The following ZFHX4 variants were observed in gnomAD, a reference collection of about 807,000 sequenced individuals.
ZFHX4 encodes the protein zinc finger homeobox 4, also known as zinc finger homeobox protein 4.
ZFHX4 carries 56 observed loss-of-function variants against 267.6 expected under a neutral mutation model. That is an observed-to-expected ratio of 0.21 (90% confidence interval 0.17 to 0.26). The LOEUF (loss-of-function observed/expected upper bound fraction) is 0.26, where lower values mean the gene tolerates loss of function less well. ZFHX4 is among the 10% of genes least tolerant of loss of function. The pLI, the probability that ZFHX4 is intolerant of heterozygous loss-of-function variation, is 1.00. For missense variants in ZFHX4, 4,332 were observed against 4,420.0 expected (o/e 0.98, Z 0.56); for synonymous variants, 1,778 against 1,665.6 (o/e 1.07, Z -1.64).
chr8:76,820,013 A>G (rs1811607688), intron 4 of ZFHX4, among the ~76,000 whole-genome samples: 1 of 152,194 alleles, frequency 6.6e-6, no homozygotes, highest in Non-Finnish European at 1.5e-5. Flanking sequence ...TATTGGCCAT[A>G]TAAAAGATGC....
At chr8:76,760,581 C>G (rs1051063373) in intron 3 of ZFHX4, among the ~76,000 whole-genome samples, 1 of 152,026 alleles carries the variant, frequency 6.6e-6, no homozygotes, top group Non-Finnish European at 1.5e-5. Context: ...TAATCTCCTA[C>G]TCTGAGGAGA....
In ZFHX4 at chr8:76,814,232, T is replaced by C. The variant is rs191610251; in HGVS notation, c.3326-19106T>C. Among the ~76,000 whole-genome samples, 80 of 152,288 alleles carry C rather than the reference T, an allele frequency of 5.3e-4. 1 individual carries two copies. In the East Asian group the frequency reaches 0.015, roughly 29 times the overall value. On this transcript the variant is annotated intron_variant, in intron 4 of 10. Coordinates refer to ENST00000651372, the MANE Select transcript of ZFHX4 (RefSeq NM_024721.5). ...ATTACAGGTGTATACCACCCTGCTC[T>C]GCCAACATTCTCATTAATAATTATT...
chr8:76,731,015 A>G (rs926165970), intron 3 of ZFHX4, among the ~76,000 whole-genome samples: 1 of 152,156 alleles, frequency 6.6e-6, no homozygotes, highest in Non-Finnish European at 1.5e-5. Flanking sequence ...AGGAGCTGGG[A>G]TATGAACCCT....
chr8:76,863,750 C>A lies in ZFHX4; in HGVS notation c.10036C>A (p.Gln3346Lys). Residue 3346 changes from glutamine (Q) to lysine (K), a missense_variant, in exon 11 of 11, where the codon CAG becomes AAG. Physicochemically the swap from Gln to Lys is moderately conservative, Grantham distance 53. This residue lies in a region of ZFHX4 where 1,648 missense variants were observed against 1,625.0 expected (regional missense o/e 1.01). Transcript: ENST00000651372. The stretch of plus-strand genomic sequence containing the variant: ...GCAAGAACAGCAGCAGAAACCAGTT[C>A]AGGCAAAGACATCCAAAGTAGAAAG... The part of the protein sequence containing the change: ...QQQEQQQKPV[Q>K]AKTSKVESDQ... 6.4e-7 allele frequency: 1 copy of A among 1,553,278 alleles called. No individual in the cohort carries two copies. The highest frequency in any genetic ancestry group is 1.2e-5 in the South Asian group (1 of 84,626).
chr8:76,758,476 AAGAGTTT>A (rs1388118892), intron 3 of ZFHX4, among the ~76,000 whole-genome samples: 3 of 151,980 alleles, frequency 2.0e-5, no homozygotes, highest in Non-Finnish European at 2.9e-5. Context: ...GTTATCATAA[AAGAGTTT>A]TTTTGTTTGT....
chr8:76,858,499 C>T (rs1812789096), intron 10 of ZFHX4, among the ~76,000 whole-genome samples: 2 of 152,328 alleles, frequency 1.3e-5, no homozygotes, highest in South Asian at 4.1e-4. Context: ...TTTTCAATTT[C>T]TCTCAACTTA....
intron 4 of ZFHX4, among the ~76,000 whole-genome samples, chr8:76,818,394 T>C (rs1490759423): frequency 6.6e-6 from 1 of 152,158 alleles, no homozygotes; most frequent in Non-Finnish European, 1.5e-5. Flanking sequence ...CAATAAAAAT[T>C]AACTAGATAG....
At chr8:76,804,800 G>GA (rs1285964763) in intron 4 of ZFHX4, among the ~76,000 whole-genome samples, 1 of 152,048 alleles carries the variant, frequency 6.6e-6, no homozygotes. Flanking sequence ...AGGTCATGGC[G>GA]AAATTCCACA....
intron 1 of ZFHX4, among the ~76,000 whole-genome samples, chr8:76,696,029 G>A (rs552633595): frequency 1.3e-5 from 2 of 152,208 alleles, no homozygotes; most frequent in South Asian, 2.1e-4. Flanking sequence ...ATTATGTCCT[G>A]ACAGCTCCAC....
In ZFHX4 at chr8:76,835,241, G is replaced by A. The variant is rs2728454; in HGVS notation, c.3394+1835G>A. 7.6e-3 allele frequency among the ~76,000 whole-genome samples: 321 copies of A among 42,372 alleles called. 3 individuals carry two copies. Among genetic ancestry groups the A allele is most frequent in the African/African-American group, 0.015 (115 of 7,686 alleles). The allele number at this position is 42,372 out of a possible 152,430, so 27.8% of individuals were successfully genotyped here. A position where few individuals can be genotyped will look rare whatever the true frequency, so the allele number is the denominator to read the frequency against. On this transcript the variant is annotated intron_variant, in intron 5 of 10. Transcript: ENST00000651372. ...TATGTATATATATATATATATATAT[G>A]TATATATATATATATATATTCATAC...
intron 1 of ZFHX4, among the ~76,000 whole-genome samples, chr8:76,687,929 C>T (rs1242215134): frequency 6.6e-6 from 1 of 152,142 alleles, no homozygotes; most frequent in East Asian, 1.9e-4. Flanking sequence ...GATGAAAATG[C>T]AGGCTTCTCT....
Position 76,705,824 on chromosome 8 carries a change from G to T in ZFHX4, c.1736G>T (p.Arg579Leu). 4 of 1,613,886 alleles carry T rather than the reference G, an allele frequency of 2.5e-6. No homozygotes were observed. The highest frequency in any genetic ancestry group is 3.4e-6 in the Non-Finnish European group (4 of 1,179,864). The change falls in exon 2 of 11, where the codon CGG becomes CTG. Residue 579 changes from arginine (R) to leucine (L), a missense_variant. By Grantham distance (102) the Arg-to-Leu change is moderately radical (BLOSUM62 -2). This residue lies in a region of ZFHX4 where 1,195 missense variants were observed against 1,173.6 expected (regional missense o/e 1.02). Coordinates refer to ENST00000651372, the MANE Select transcript of ZFHX4 (RefSeq NM_024721.5). ...ATAAHPSEIARGDEDSSATPH... is the reference protein window; with the variant it reads ...ATAAHPSEIALGDEDSSATPH... ...GCTGCTCATCCAAGTGAAATAGCCC[G>T]GGGAGACGAAGACAGTTCAGCCACT...
At chr8:76,756,176 T>G (rs951265980) in intron 3 of ZFHX4, among the ~76,000 whole-genome samples, 2 of 152,192 alleles carry the variant, frequency 1.3e-5, no homozygotes, top group Admixed American at 6.5e-5. Context: ...CGTCATGTCA[T>G]TTTTATCTTT....
At chr8:76,714,367 C>T (rs538818846) in intron 3 of ZFHX4, among the ~76,000 whole-genome samples, 10 of 152,260 alleles carry the variant, frequency 6.6e-5, no homozygotes, top group East Asian at 5.8e-4. Flanking sequence ...GTATAATGAC[C>T]GTGGTTCTGC....
chr8:76,852,871 C>G lies in ZFHX4; in HGVS notation c.5950C>G (p.Gln1984Glu). Reference protein sequence around the residue: ...PYAALEKFARQYREAYDKLYP... With the variant: ...PYAALEKFAREYREAYDKLYP... ...TGCAGCGCTAGAAAAATTTGCTCGT[C>G]AATACAGGGAGGCCTATGACAAGCT... Residue 1984 changes from glutamine to glutamate, a missense_variant, in exon 10 of 11, where the codon CAA (glutamine) becomes GAA (glutamate). By Grantham distance (29) the Gln-to-Glu change is conservative (BLOSUM62 2). Transcript: ENST00000651372. 6.2e-7 allele frequency: 1 copy of G among 1,613,760 alleles called. No individual in the cohort carries two copies. The highest frequency in any genetic ancestry group is 8.5e-7 in the Non-Finnish European group (1 of 1,179,808).
Position 76,863,613 on chromosome 8 carries a change from G to A in ZFHX4, c.9899G>A (p.Gly3300Asp), listed in dbSNP as rs757676087. 1 of 1,613,366 alleles carries A rather than the reference G, an allele frequency of 6.2e-7. No individual in the cohort carries two copies. The highest frequency in any genetic ancestry group is 8.5e-7 in the Non-Finnish European group (1 of 1,179,724). The change falls in exon 11 of 11, where the codon GGC (glycine) becomes GAC (aspartate). Residue 3300 changes from glycine (G) to aspartate (D), a missense_variant. By Grantham distance (94) the Gly-to-Asp change is moderately conservative. Transcript: ENST00000651372. ...GGCATGGAGAGCCTCTTTCCTTATG[G>A]CCCTACAATGCCCCAGACACTGGCA... Reference protein sequence around the residue: ...VCGMESLFPYGPTMPQTLAGL... With the variant: ...VCGMESLFPYDPTMPQTLAGL...
At chr8:76,746,801 A>T (rs2131696966) in intron 3 of ZFHX4, among the ~76,000 whole-genome samples, 1 of 152,318 alleles carries the variant, frequency 6.6e-6, no homozygotes, top group Non-Finnish European at 1.5e-5. Flanking sequence ...CCATTGTAAA[A>T]GAAATAGGCA....
intron 6 of ZFHX4, 132 bp downstream of exon 6, chr8:76,842,903 CCA>C: frequency 1.7e-6 from 1 of 580,042 alleles, no homozygotes; most frequent in Non-Finnish European, 3.0e-6. Flanking sequence ...CTGAACATTC[CCA>C]CTACTATTCA....
chr8:76,806,605 A>T (rs1434141760), intron 4 of ZFHX4, among the ~76,000 whole-genome samples: 1 of 152,090 alleles, frequency 6.6e-6, no homozygotes, highest in African/African-American at 2.4e-5. Flanking sequence ...TAATAATATA[A>T]TTGGAAGTTT....
Sources: allele counts gnomAD v4.1 joint callset (sites outside exome capture counted in the v4.1 genomes callset), GRCh38; gene constraint gnomAD v4.1.1; regional missense constraint gnomAD v4.1.1; transcripts MANE v1.5; gene names NCBI Gene and HGNC (gene_info 2026-07-23, HGNC 2026-07-21).